The following RNF169 variants were observed in gnomAD, a reference collection of about 807,000 sequenced individuals.
The protein encoded by RNF169 is ring finger protein 169, also known as E3 ubiquitin-protein ligase RNF169.
RNF169 carries 24 observed loss-of-function variants against 53.9 expected under a neutral mutation model. The observed-to-expected ratio is 0.45, with a 90% CI of 0.32 to 0.63. The LOEUF (loss-of-function observed/expected upper bound fraction) is 0.63. RNF169 is among the 20% of genes least tolerant of loss of function. The probability of loss-of-function intolerance (pLI) is 0.04; values close to 1 mark genes in which losing one functional copy is unlikely to be tolerated. For missense variants in RNF169, 883 were observed against 906.2 expected, an observed-to-expected ratio of 0.97 and a Z score of 0.33; for synonymous variants, 396 against 363.5, an observed-to-expected ratio of 1.09 and a Z score of -1.02.
rs1196071586 is a variant in RNF169 at position 74,836,594 on chromosome 11, A to G, written c.1991A>G (p.Gln664Arg). 4 of 1,614,034 alleles carry G rather than the reference A, an allele frequency of 2.5e-6. No homozygotes were observed. Among genetic ancestry groups the G allele is most frequent in the Non-Finnish European group, 3.4e-6 (4 of 1,180,038 alleles). The change falls in exon 6 of 6, where the codon CAG (glutamine) becomes CGG (arginine). Residue 664 changes from glutamine to arginine, a missense_variant. Coordinates refer to ENST00000299563, the MANE Select transcript of RNF169 (RefSeq NM_001098638.2). The part of the protein sequence containing the change: ...PVLREMEQKL[Q>R]QEEEDRQLAL... ...CTGCGAGAGATGGAGCAGAAGCTTC[A>G]GCAAGAGGAAGAAGACCGACAGTTG...
At chr11:74,772,807 A>T (rs1480389101) in intron 1 of RNF169, among the ~76,000 whole-genome samples, 3 of 152,254 alleles carry the variant, frequency 2.0e-5, no homozygotes, top group African/African-American at 7.2e-5. Flanking sequence ...AATAGATACT[A>T]GCATAATGAA....
chr11:74,767,610 C>T (rs1430904265), intron 1 of RNF169, among the ~76,000 whole-genome samples: 1 of 151,934 alleles, frequency 6.6e-6, no homozygotes, highest in African/African-American at 2.4e-5. Flanking sequence ...CGCTCTGTCG[C>T]CCAGGCTGGA....
Position 74,836,096 on chromosome 11 carries a change from C to T in RNF169, c.1493C>T (p.Ser498Phe), listed in dbSNP as rs376058850. ...CTCTCTGAGTATACTGGACCCACCT[C>T]TGCTGATCTTGATCATTTCCCCTCT... ...QVLSEYTGPT[S>F]ADLDHFPSVS... Residue 498 changes from serine (S) to phenylalanine (F), a missense_variant, in exon 6 of 6, where the codon TCT becomes TTT. Coordinates refer to ENST00000299563, the MANE Select transcript of RNF169 (RefSeq NM_001098638.2). 11 of 1,614,194 alleles carry T rather than the reference C, an allele frequency of 6.8e-6. No individual in the cohort carries two copies. Among genetic ancestry groups the T allele is most frequent in the African/African-American group, 1.3e-5 (1 of 75,048 alleles).
At chr11:74,831,445 A>C (rs1479148701) in intron 4 of RNF169, 1 of 152,256 alleles carries the variant, frequency 6.6e-6, no homozygotes, top group Non-Finnish European at 1.5e-5. Context: ...GCAGTAGTGC[A>C]AGACTTGTAT....
chr11:74,752,591 G>A (rs1385049889), intron 1 of RNF169, among the ~76,000 whole-genome samples: 1 of 131,374 alleles, frequency 7.6e-6, no homozygotes, highest in African/African-American at 3.0e-5. Context: ...GCAAGACTCT[G>A]TCTCAAAAAA....
At chr11:74,801,527 C>CT (rs572220638) in intron 2 of RNF169, among the ~76,000 whole-genome samples, 13 of 152,314 alleles carry the variant, frequency 8.5e-5, no homozygotes, top group Middle Eastern at 6.8e-3. Context: ...TGGTCTCCAA[C>CT]TTTTTTTACC....
chr11:74,771,424 G>T (rs544597040), intron 1 of RNF169, among the ~76,000 whole-genome samples: 28 of 152,246 alleles, frequency 1.8e-4, no homozygotes, highest in African/African-American at 6.3e-4. Flanking sequence ...TTATTAACTG[G>T]TCGCTATTAT....
chr11:74,807,268 G>T (rs946576531), intron 2 of RNF169, among the ~76,000 whole-genome samples: 8 of 152,114 alleles, frequency 5.3e-5, no homozygotes, highest in Non-Finnish European at 1.2e-4. Flanking sequence ...GCACACTTTG[G>T]TCAATGGGAT....
intron 1 of RNF169, among the ~76,000 whole-genome samples, chr11:74,763,449 G>A (rs989082177): frequency 6.6e-6 from 1 of 152,180 alleles, no homozygotes; most frequent in African/African-American, 2.4e-5. Context: ...CATATTTTAA[G>A]TGGCTAAAGA....
intron 2 of RNF169, among the ~76,000 whole-genome samples, chr11:74,795,895 G>A (rs2035642597): frequency 6.6e-6 from 1 of 152,108 alleles, no homozygotes; most frequent in Non-Finnish European, 1.5e-5. Flanking sequence ...GGTTTTGTTG[G>A]ATGTTAACAA....
chr11:74,829,882 C>T (rs1409893644), intron 4 of RNF169, among the ~76,000 whole-genome samples: 1 of 152,052 alleles, frequency 6.6e-6, no homozygotes, highest in African/African-American at 2.4e-5. Flanking sequence ...GGGAGACCAT[C>T]AGGAAAAATA....
intron 1 of RNF169, among the ~76,000 whole-genome samples, chr11:74,758,909 AT>A (rs1449195348): frequency 6.8e-6 from 1 of 147,514 alleles, no homozygotes; most frequent in Non-Finnish European, 1.5e-5. Context: ...CAGTATGGCC[AT>A]TTTCACGATA....
chr11:74,833,025 T>G (rs1051229967), intron 4 of RNF169, among the ~76,000 whole-genome samples: 1 of 152,184 alleles, frequency 6.6e-6, no homozygotes, highest in South Asian at 2.1e-4. Context: ...CATCTTTCAT[T>G]TGGGTTAAAT....
At chr11:74,780,479 A>T (rs1035474359) in intron 1 of RNF169, among the ~76,000 whole-genome samples, 11 of 152,350 alleles carry the variant, frequency 7.2e-5, no homozygotes, top group African/African-American at 2.6e-4. Flanking sequence ...CTTAATGCCT[A>T]ACATAATTCA....
At chr11:74,819,820 C>A (rs1423348771) in intron 4 of RNF169, among the ~76,000 whole-genome samples, 1 of 152,176 alleles carries the variant, frequency 6.6e-6, no homozygotes, top group African/African-American at 2.4e-5. Flanking sequence ...TATATTGATA[C>A]TTTTTATAGA....
At chr11:74,818,452 G>C (rs1009960650) in intron 4 of RNF169, among the ~76,000 whole-genome samples, 1 of 151,730 alleles carries the variant, frequency 6.6e-6, no homozygotes, top group Non-Finnish European at 1.5e-5. Flanking sequence ...GAGTATAATT[G>C]GGCAATCATG....
At chr11:74,785,162 TATATATATATGATATATATATATG>T (rs149186094) in intron 1 of RNF169, among the ~76,000 whole-genome samples, 35,686 of 126,074 alleles carry the variant, frequency 0.28, 5,308 homozygotes, top group African/African-American at 0.47. Flanking sequence ...TATTTTTATA[TATATATATATGATATATATATATG>T]ATATATATAT....
chr11:74,796,903 TG>T (rs1403154532), intron 2 of RNF169, among the ~76,000 whole-genome samples: 1 of 152,228 alleles, frequency 6.6e-6, no homozygotes, highest in African/African-American at 2.4e-5. Context: ...CAGGCTGGAA[TG>T]CGTTGGCTAT....
At chr11:74,764,444 G>T (rs1355076187) in intron 1 of RNF169, among the ~76,000 whole-genome samples, 1 of 152,106 alleles carries the variant, frequency 6.6e-6, no homozygotes, top group Non-Finnish European at 1.5e-5. Context: ...GAGAATCGCT[G>T]AACCCAGGAG....
Sources: allele counts gnomAD v4.1 joint callset (sites outside exome capture counted in the v4.1 genomes callset), GRCh38; gene constraint gnomAD v4.1.1; transcripts MANE v1.5; gene names NCBI Gene and HGNC (gene_info 2026-07-23, HGNC 2026-07-21).